Variants in DOCK2 observed in about 807,000 individuals in gnomAD.
DOCK2 encodes the protein dedicator of cytokinesis protein 2.
In DOCK2, 87 loss-of-function variants were observed where a neutral mutation model predicts 248.9. The observed-to-expected ratio is 0.35, with a 90% CI of 0.29 to 0.42. The LOEUF (loss-of-function observed/expected upper bound fraction) is 0.42, where lower values mean the gene tolerates loss of function less well. Among genes scored for constraint, DOCK2 ranks in the 10% least tolerant of loss-of-function variants. The probability of loss-of-function intolerance (pLI) is 1.00; values close to 1 mark genes in which losing one functional copy is unlikely to be tolerated. For missense variants in DOCK2, 1,747 were observed against 2,300.2 expected, an observed-to-expected ratio of 0.76 and a Z score of 4.92; for synonymous variants, 805 against 821.6, an observed-to-expected ratio of 0.98 and a Z score of 0.35.
intron 27 of DOCK2, among the ~76,000 whole-genome samples, chr5:169,924,955 TC>T (rs1455732167): frequency 1.3e-5 from 2 of 152,216 alleles, no homozygotes; most frequent in African/African-American, 4.8e-5. Context: ...CTCCCAGTCT[TC>T]CTGGGGATGT....
intron 41 of DOCK2, among the ~76,000 whole-genome samples, chr5:170,052,803 G>C (rs1299744936): frequency 6.6e-6 from 1 of 152,172 alleles, no homozygotes; most frequent in African/African-American, 2.4e-5. Flanking sequence ...ATACAAGTTA[G>C]GTATTATTGC....
intron 2 of DOCK2, among the ~76,000 whole-genome samples, chr5:169,666,410 C>T (rs1352188978): frequency 1.3e-5 from 2 of 152,132 alleles, no homozygotes; most frequent in Admixed American, 1.3e-4. Context: ...CTCATGAAAA[C>T]GGTTAGCAAA....
At chr5:169,701,534 G>T (rs1385610363) in intron 13 of DOCK2, among the ~76,000 whole-genome samples, 2 of 151,374 alleles carry the variant, frequency 1.3e-5, no homozygotes, top group African/African-American at 2.4e-5. Flanking sequence ...TTGAGATGGG[G>T]TTTAGCTCTG....
intron 26 of DOCK2, among the ~76,000 whole-genome samples, chr5:169,827,948 AGAGT>A (rs1261350171): frequency 1.3e-5 from 2 of 152,112 alleles, no homozygotes; most frequent in Non-Finnish European, 1.5e-5. Context: ...GTTGACAGAG[AGAGT>A]GAGTGAGTCC....
intron 27 of DOCK2, among the ~76,000 whole-genome samples, chr5:169,894,636 G>T (rs1302449034): frequency 2.6e-5 from 4 of 152,184 alleles, no homozygotes; most frequent in Admixed American, 2.6e-4. Context: ...TTGCAAAAGC[G>T]CATGACTGCA....
intron 27 of DOCK2, among the ~76,000 whole-genome samples, chr5:169,939,203 C>CTTTT (rs56040572): frequency 1.4e-5 from 2 of 143,724 alleles, no homozygotes; most frequent in East Asian, 4.1e-4. Flanking sequence ...TGTGCCCGGC[C>CTTTT]TTTTTTTTTT....
intron 25 of DOCK2, among the ~76,000 whole-genome samples, chr5:169,779,638 A>G (rs1486455102): frequency 1.3e-5 from 2 of 152,130 alleles, no homozygotes; most frequent in East Asian, 1.9e-4. Flanking sequence ...GCTTCTAGCT[A>G]TGCAGGTCCA....
intron 5 of DOCK2, among the ~76,000 whole-genome samples, chr5:169,672,084 G>A (rs1324642159): frequency 6.6e-6 from 1 of 151,844 alleles, no homozygotes; most frequent in Non-Finnish European, 1.5e-5. Flanking sequence ...TTGGCTCACT[G>A]CAGCCTCTGC....
intron 27 of DOCK2, among the ~76,000 whole-genome samples, chr5:169,930,494 G>T (rs1187603427): frequency 1.3e-5 from 2 of 152,104 alleles, no homozygotes; most frequent in East Asian, 3.8e-4. Flanking sequence ...TTCATTCATG[G>T]TAAATGAGTA....
intron 14 of DOCK2, among the ~76,000 whole-genome samples, chr5:169,703,790 G>A (rs560996061): frequency 1.3e-5 from 2 of 152,288 alleles, no homozygotes; most frequent in African/African-American, 4.8e-5. Flanking sequence ...ATAAAGGAGC[G>A]GAGGGTTTTT....
intron 26 of DOCK2, among the ~76,000 whole-genome samples, chr5:169,805,639 C>T (rs1432895068): frequency 1.3e-5 from 2 of 152,180 alleles, no homozygotes; most frequent in South Asian, 4.1e-4. Context: ...AGGCTCTGCC[C>T]ATCCCAGGGG....
intron 25 of DOCK2, among the ~76,000 whole-genome samples, chr5:169,790,036 T>G (rs908420110): frequency 6.6e-6 from 1 of 152,216 alleles, no homozygotes; most frequent in Non-Finnish European, 1.5e-5. Context: ...CCTCCTCTTC[T>G]TCAGAGCTGA....
intron 8 of DOCK2, among the ~76,000 whole-genome samples, chr5:169,688,394 A>ATT (rs1760104526): frequency 6.6e-6 from 1 of 152,212 alleles, no homozygotes; most frequent in South Asian, 2.1e-4. Context: ...GGTCAGGCCC[A>ATT]TTTGATACAC....
intron 22 of DOCK2, among the ~76,000 whole-genome samples, chr5:169,734,074 A>T (rs916208729): frequency 5.9e-5 from 9 of 151,622 alleles, no homozygotes; most frequent in African/African-American, 2.2e-4. Context: ...CATATTTTCT[A>T]TCTTTTTTGT....
chr5:169,670,948 A>G (rs2113290006), intron 4 of DOCK2, 130 bp from the exon 5 acceptor site: 2 of 685,990 alleles, frequency 2.9e-6, no homozygotes, highest in African/African-American at 1.8e-5. Flanking sequence ...TGGTGTGGCT[A>G]TTGGAGGTGT....
chr5:169,923,075 G>C (rs1775260589), intron 27 of DOCK2, among the ~76,000 whole-genome samples: 1 of 152,188 alleles, frequency 6.6e-6, no homozygotes, highest in Admixed American at 6.5e-5. Flanking sequence ...GGGGGACACA[G>C]AGCCACCACC....
intron 26 of DOCK2, among the ~76,000 whole-genome samples, chr5:169,815,090 A>G (rs1368047013): frequency 6.6e-6 from 1 of 152,198 alleles, no homozygotes; most frequent in Non-Finnish European, 1.5e-5. Context: ...CTTGCAGCCT[A>G]TAGTATTTCA....
chr5:169,863,716 C>G (rs1326123699), intron 27 of DOCK2, among the ~76,000 whole-genome samples: 2 of 152,238 alleles, frequency 1.3e-5, no homozygotes, highest in African/African-American at 4.8e-5. Context: ...GGAAAACAAC[C>G]CAACACACCA....
At chr5:169,729,341 G>C (rs1293955947) in intron 22 of DOCK2, among the ~76,000 whole-genome samples, 1 of 152,172 alleles carries the variant, frequency 6.6e-6, no homozygotes. Context: ...TTCCTTAGTA[G>C]AAAATAATAT....
Sources: gnomAD v4.1 joint callset for allele counts (sites outside exome capture counted in the v4.1 genomes callset) on GRCh38, gnomAD v4.1.1 for gene constraint, MANE v1.5 for transcripts, NCBI Gene and HGNC (gene_info 2026-07-23, HGNC 2026-07-21) for gene names.